Variants in CPXM2 observed in about 807,000 individuals in gnomAD.
The protein encoded by CPXM2 is inactive carboxypeptidase-like protein X2.
A neutral mutation model predicts 86.1 loss-of-function variants in CPXM2; 66 were observed. The observed-to-expected ratio is 0.77, with a 90% CI of 0.63 to 0.94. The LOEUF is 0.94. Ranked by LOEUF, CPXM2 falls within the 40% of genes least tolerant of loss-of-function variation. The pLI is 0.00. For missense variants in CPXM2, 948 were observed against 1,026.3 expected, an observed-to-expected ratio of 0.92 and a Z score of 1.04; for synonymous variants, 388 against 400.2, an observed-to-expected ratio of 0.97 and a Z score of 0.36.
At chr10:123,926,875 C>T (rs1945625892) in intron 2 of CPXM2, among the ~76,000 whole-genome samples, 1 of 152,192 alleles carries the variant, frequency 6.6e-6, no homozygotes, top group Non-Finnish European at 1.5e-5. Flanking sequence ...GTGAAGAAAA[C>T]CCTTTCACTT....
At chr10:123,901,648 C>G (rs1156716368) in intron 2 of CPXM2, among the ~76,000 whole-genome samples, 4 of 152,152 alleles carry the variant, frequency 2.6e-5, no homozygotes, top group Admixed American at 6.5e-5. Context: ...TCACCACTGG[C>G]TAACTGAGCC....
chr10:123,798,999 G>A (rs1282318828), intron 5 of CPXM2, 116 bp downstream of exon 5: 1 of 1,185,556 alleles, frequency 8.4e-7, no homozygotes, highest in Non-Finnish European at 1.2e-6. Flanking sequence ...GTAGTGGTAG[G>A]TTTGAGTTGA....
intron 8 of CPXM2, among the ~76,000 whole-genome samples, chr10:123,769,817 A>T (rs1428139831): frequency 6.6e-6 from 1 of 152,130 alleles, no homozygotes; most frequent in Non-Finnish European, 1.5e-5. Flanking sequence ...GTTGTTTAGA[A>T]ATTTCCCAAC....
At chr10:123,795,889 T>C (rs886302729) in intron 6 of CPXM2, among the ~76,000 whole-genome samples, 2 of 152,198 alleles carry the variant, frequency 1.3e-5, no homozygotes, top group African/African-American at 2.4e-5. Context: ...GAGACTCTCA[T>C]AGGCTGCCTT....
intron 4 of CPXM2, among the ~76,000 whole-genome samples, chr10:123,820,976 T>C (rs1040869865): frequency 6.6e-6 from 1 of 152,168 alleles, no homozygotes; most frequent in African/African-American, 2.4e-5. Flanking sequence ...AGTATGTGAA[T>C]GTCCTATGAG....
At chr10:123,786,639 C>T (rs762963815) in intron 6 of CPXM2, among the ~76,000 whole-genome samples, 1 of 152,148 alleles carries the variant, frequency 6.6e-6, no homozygotes, top group Non-Finnish European at 1.5e-5. Context: ...ACCACCACAA[C>T]GGATGGAGAC....
chr10:123,891,533 G>A lies in CPXM2; in HGVS notation c.127C>T (p.Arg43Trp), dbSNP rs1248837480. 3.9e-6 allele frequency: 6 copies of A among 1,548,492 alleles called. No homozygotes were observed. The highest frequency in any genetic ancestry group is 2.6e-6 in the Non-Finnish European group (3 of 1,145,692). Residue 43 changes from arginine (R) to tryptophan (W), a missense_variant, in exon 1 of 14, where the codon CGG (arginine) becomes TGG (tryptophan). Arg to Trp is a moderately radical substitution (Grantham distance 101). Coordinates refer to ENST00000241305, the MANE Select transcript of CPXM2 (RefSeq NM_198148.3). The surrounding 1 kb of genome is among the most constrained non-coding windows in gnomAD (Gnocchi z 5.6). The stretch of plus-strand genomic sequence containing the variant: ...TCCGGGCGCGCGTAGTAGGGCTCCC[G>A]GCTCCAGATCTCCTGCCCGTAATAA... ...PDYYGQEIWS[R>W]EPYYARPEPE...
At chr10:123,876,672 T>G (rs1944993078) in intron 2 of CPXM2, among the ~76,000 whole-genome samples, 2 of 152,240 alleles carry the variant, frequency 1.3e-5, no homozygotes, top group Admixed American at 1.3e-4. Context: ...TCCTGGATTT[T>G]GGCTCTTAGC....
chr10:123,892,728 G>A (rs1480987354), upstream of CPXM2, among the ~76,000 whole-genome samples: 1 of 152,200 alleles, frequency 6.6e-6, no homozygotes, highest in Admixed American at 6.5e-5. Flanking sequence ...AGCCTCTGGC[G>A]AAAAGTCCAC....
intron 2 of CPXM2, among the ~76,000 whole-genome samples, chr10:123,875,807 C>CTTTTTTCTTTTTTTTTTTTTTTT (rs1554888265): frequency 1.2e-4 from 10 of 84,674 alleles, no homozygotes; most frequent in Non-Finnish European, 1.7e-4. Context: ...TCTTTTCTTT[C>CTTTTTTCTTTTTTTTTTTTTTTT]TTTTTTTTTT....
At chr10:123,930,121 A>C (rs1290990229) in intron 2 of CPXM2, among the ~76,000 whole-genome samples, 1 of 152,186 alleles carries the variant, frequency 6.6e-6, no homozygotes, top group Non-Finnish European at 1.5e-5. Flanking sequence ...TACACGAAGC[A>C]CACTGAAAAG....
intron 3 of CPXM2, among the ~76,000 whole-genome samples, chr10:123,849,053 A>G (rs1189226667): frequency 2.0e-5 from 3 of 152,276 alleles, no homozygotes; most frequent in Non-Finnish European, 4.4e-5. Context: ...GTTTTGTTCT[A>G]TTAATAGTAA....
chr10:123,909,282 C>T (rs1394118382), intron 2 of CPXM2, among the ~76,000 whole-genome samples: 4 of 152,340 alleles, frequency 2.6e-5, no homozygotes, highest in Non-Finnish European at 5.9e-5. Context: ...GTCTTCAGGG[C>T]CTGCAGGGGG....
rs74854642 is a variant in CPXM2 at position 123,820,505 on chromosome 10, G to C, written c.654-21306C>G. Among the ~76,000 whole-genome samples, 116 of 152,244 alleles carry C rather than the reference G, an allele frequency of 7.6e-4. No homozygotes were observed. In the East Asian group the frequency reaches 0.016, roughly 22 times the overall value. On this transcript the variant is annotated intron_variant, in intron 4 of 13. Coordinates refer to ENST00000241305, the MANE Select transcript of CPXM2 (RefSeq NM_198148.3). ...TGGACTCTTGTTTTGGCCTATGAAG[G>C]CCTCTGAGAGCTGTATGAATTCCCT...
intron 6 of CPXM2, among the ~76,000 whole-genome samples, chr10:123,790,119 A>T (rs1590001775): frequency 2.0e-5 from 3 of 150,364 alleles, no homozygotes; most frequent in East Asian, 3.9e-4. Flanking sequence ...ACTCCATCTT[A>T]AAAAAAATTA....
intron 6 of CPXM2, among the ~76,000 whole-genome samples, chr10:123,786,507 C>T (rs1390640654): frequency 6.6e-6 from 1 of 152,246 alleles, no homozygotes. Flanking sequence ...ATTCCCAGGA[C>T]CCTATGCACA....
In CPXM2 at chr10:123,761,930, C is replaced by T. The variant is rs763482697; in HGVS notation, c.1719G>A (p.Glu573=). The T allele has an allele frequency of 2.9e-5, 46 of 1,613,798 alleles. No individual in the cohort carries two copies. The change falls in exon 11 of 14, where the codon GAG becomes GAA. Residue 573 remains glutamate, a synonymous_variant. Transcript: ENST00000241305. ...CAGTGCCCTCCTCCTTCTGGAAGTCCTCCGTGTGGCACACCCTCCTCCGGG... is the reference window on the plus strand; with the variant it reads ...CAGTGCCCTCCTCCTTCTGGAAGTCTTCCGTGTGGCACACCCTCCTCCGGG... The part of the protein sequence containing the change: ...TDARRRVCHT[E]DFQKEEGTVN...
chr10:123,836,716 C>T (rs1848289385), intron 4 of CPXM2, among the ~76,000 whole-genome samples: 1 of 152,196 alleles, frequency 6.6e-6, no homozygotes, highest in African/African-American at 2.4e-5. Flanking sequence ...AATGTGAAAC[C>T]CTCTGGGGTG....
chr10:123,839,904 T>C (rs1418477593), intron 4 of CPXM2, among the ~76,000 whole-genome samples: 2 of 152,174 alleles, frequency 1.3e-5, no homozygotes, highest in Non-Finnish European at 2.9e-5. Context: ...TAAAAGTAAC[T>C]CTTAAAGTAA....
Sources: allele counts gnomAD v4.1 joint callset (sites outside exome capture counted in the v4.1 genomes callset), GRCh38; gene constraint gnomAD v4.1.1; non-coding constraint Gnocchi (gnomAD v3.1); transcripts MANE v1.5; gene names NCBI Gene and HGNC (gene_info 2026-07-23, HGNC 2026-07-21).